CFAP70: variants seen among roughly 807,000 people sequenced by gnomAD.
The protein encoded by CFAP70 is cilia- and flagella-associated protein 70.
CFAP70 carries 81 observed loss-of-function variants against 137.6 expected under a neutral mutation model. The ratio of observed to expected loss-of-function variants is 0.59; its 90% CI spans 0.49 to 0.71. CFAP70 has a LOEUF of 0.71. Ranked by LOEUF, CFAP70 falls within the 30% of genes least tolerant of loss-of-function variation. CFAP70 has a pLI of 0.00. For missense variants in CFAP70, 976 were observed against 1,226.7 expected, an observed-to-expected ratio of 0.80 and a Z score of 3.05; for synonymous variants, 382 against 423.6, an observed-to-expected ratio of 0.90 and a Z score of 1.20.
chr10:73,310,493 A>G (rs2049819215), intron 11 of CFAP70, among the ~76,000 whole-genome samples: 1 of 152,206 alleles, frequency 6.6e-6, no homozygotes, highest in Non-Finnish European at 1.5e-5. Context: ...TCTACAGTGT[A>G]ACAAGGCTGA....
In CFAP70 at chr10:73,345,116, T is replaced by C; in HGVS notation, c.350-2A>G. The stretch of plus-strand genomic sequence containing the variant: ...CGACCATGTAGTTCTGCCCAGGACC[T>C]GTTGGAATGAAGGATTCAGGCACAG... On this transcript the variant is annotated splice_acceptor_variant, in intron 4 of 26. Transcript: ENST00000310715. LOFTEE classifies it high-confidence loss of function. 1.2e-6 allele frequency: 2 copies of C among 1,614,182 alleles called. No homozygotes were observed. The highest frequency in any genetic ancestry group is 1.7e-6 in the Non-Finnish European group (2 of 1,180,022).
In CFAP70 at chr10:73,355,751, C is replaced by A. The variant is rs1465559889; in HGVS notation, c.-39-916G>T. On this transcript the variant is annotated intron_variant, in intron 1 of 26. Transcript: ENST00000310715. ...TGAGATCACACCACTGAACTCCAGC[C>A]TGGGCAAAAGAGTGACTCCGTCTCA... 2.6e-5 allele frequency among the ~76,000 whole-genome samples: 4 copies of A among 152,316 alleles called. 1 individual carries two copies. The highest frequency in any genetic ancestry group is 2.6e-4 in the Admixed American group (4 of 15,304).
chr10:73,340,188 C>T (rs888144909), intron 6 of CFAP70, among the ~76,000 whole-genome samples: 3 of 152,088 alleles, frequency 2.0e-5, no homozygotes, highest in Non-Finnish European at 2.9e-5. Flanking sequence ...ACAGGCAGGG[C>T]GTCCTGATGA....
At position 73,297,380 on chromosome 10, in the gene CFAP70, C is replaced by G. The variant is rs116973240; in HGVS notation, c.1513-207G>C. On this transcript the variant is annotated intron_variant, in intron 14 of 26. Coordinates refer to ENST00000310715, the Ensembl canonical transcript of CFAP70. ...TTTCTTCTTTCCTTAACATCACCAT[C>G]ATTACTAATTGAAGCAATGCAGAGC... Among the ~76,000 whole-genome samples, 827 of 152,294 alleles carry G rather than the reference C, an allele frequency of 5.4e-3. 4 individuals carry two copies. Among genetic ancestry groups the G allele is most frequent in the Middle Eastern group, 0.01 (3 of 294 alleles).
At chr10:73,263,461 G>T (rs2045472435) in intron 25 of CFAP70, among the ~76,000 whole-genome samples, 1 of 152,016 alleles carries the variant, frequency 6.6e-6, no homozygotes, top group African/African-American at 2.4e-5. Flanking sequence ...CTTTTAATCT[G>T]GAATAGTTCT....
chr10:73,296,885 G>A (rs1176907320), intron 15 of CFAP70, 157 bp downstream of exon 16: 1 of 746,118 alleles, frequency 1.3e-6, no homozygotes, highest in African/African-American at 1.8e-5. Context: ...AACTGATTAG[G>A]CTTAGGCAGT....
intron 25 of CFAP70, among the ~76,000 whole-genome samples, chr10:73,261,653 C>T (rs759999569): frequency 4.6e-5 from 7 of 152,012 alleles, no homozygotes; most frequent in Admixed American, 1.3e-4. Context: ...AGTTACAATT[C>T]GAGATGAGAT....
chr10:73,274,064 C>T (rs11813724), intron 23 of CFAP70, among the ~76,000 whole-genome samples: 2 of 152,114 alleles, frequency 1.3e-5, no homozygotes, highest in Non-Finnish European at 2.9e-5. Flanking sequence ...TAAATATAAC[C>T]CTTTGTGTTT....
intron 12 of CFAP70, among the ~76,000 whole-genome samples, chr10:73,309,658 A>T (rs1589433181): frequency 1.5e-5 from 2 of 136,452 alleles, no homozygotes; most frequent in South Asian, 2.5e-4. Flanking sequence ...TTTCCTAAGA[A>T]TTTTTTTTTT....
intron 3 of CFAP70, among the ~76,000 whole-genome samples, chr10:73,352,857 A>C (rs1397697532): frequency 6.6e-6 from 1 of 152,214 alleles, no homozygotes; most frequent in Non-Finnish European, 1.5e-5. Context: ...AATGCTTTGC[A>C]ATTTTTATTA....
At chr10:73,349,194 C>T (rs898230866) in intron 3 of CFAP70, among the ~76,000 whole-genome samples, 1 of 151,988 alleles carries the variant, frequency 6.6e-6, no homozygotes, top group Non-Finnish European at 1.5e-5. Flanking sequence ...GGTCATAATG[C>T]CCATCAATTG....
intron 22 of CFAP70, chr10:73,274,832 G>T (rs1382170115): frequency 4.2e-6 from 2 of 474,152 alleles, no homozygotes; most frequent in Admixed American, 7.9e-5. Context: ...AGCCATTTTG[G>T]GTGTGGAGTA....
intron 13 of CFAP70, among the ~76,000 whole-genome samples, 192 bp downstream of exon 14, chr10:73,299,413 G>C (rs910876807): frequency 4.4e-4 from 67 of 152,038 alleles, no homozygotes; most frequent in African/African-American, 1.6e-3. Flanking sequence ...CCAGCTGAGA[G>C]ACCACCAGCC....
chr10:73,358,550 C>G (rs993462310), intron 1 of CFAP70, among the ~76,000 whole-genome samples: 1 of 152,214 alleles, frequency 6.6e-6, no homozygotes, highest in African/African-American at 2.4e-5. Context: ...GCGGCAGAGT[C>G]CGCACCTGGC....
chr10:73,296,882 T>A, intron 15 of CFAP70, 160 bp downstream of exon 16: 1 of 671,444 alleles, frequency 1.5e-6, no homozygotes, highest in Non-Finnish European at 2.2e-6. Flanking sequence ...TTAAACTGAT[T>A]AGGCTTAGGC....
At position 73,274,428 on chromosome 10, in the gene CFAP70, C is replaced by G. The variant is rs199616410; in HGVS notation, c.2835+5G>C. The G allele has an allele frequency of 6.2e-7, 1 of 1,608,352 alleles. No individual in the cohort carries two copies. The highest frequency in any genetic ancestry group is 8.5e-7 in the Non-Finnish European group (1 of 1,178,208). ...CGGGGTTATTCCCCATTCTCTACCC[C>G]TCACCTCTTTCTCTTCCAGATAGAT... On this transcript the variant is annotated splice_donor_5th_base_variant and intron_variant, in intron 23 of 26. Transcript: ENST00000310715.
At chr10:73,284,880 G>T (rs1285650893) in intron 19 of CFAP70, among the ~76,000 whole-genome samples, 1 of 143,846 alleles carries the variant, frequency 7.0e-6, no homozygotes, top group Non-Finnish European at 1.5e-5. Context: ...CATTAGCAGA[G>T]TTGATTATTT....
chr10:73,287,093 G>A (rs918641077), intron 19 of CFAP70, among the ~76,000 whole-genome samples: 1 of 152,196 alleles, frequency 6.6e-6, no homozygotes, highest in Non-Finnish European at 1.5e-5. Flanking sequence ...TTGTGTTTAT[G>A]GCTAGTTTGG....
intron 6 of CFAP70, among the ~76,000 whole-genome samples, chr10:73,339,475 C>T (rs2053038372): frequency 6.6e-6 from 1 of 152,222 alleles, no homozygotes; most frequent in Non-Finnish European, 1.5e-5. Flanking sequence ...GCTGGTCACA[C>T]CTTTGCCCAA....
Sources: allele counts gnomAD v4.1 joint callset (sites outside exome capture counted in the v4.1 genomes callset), GRCh38; gene constraint gnomAD v4.1.1; transcripts MANE v1.5; gene names NCBI Gene and HGNC (gene_info 2026-07-23, HGNC 2026-07-21).